Variants in CNGB3 observed in about 807,000 individuals in gnomAD.
The protein encoded by CNGB3 is cyclic nucleotide gated channel subunit beta 3, also known as cyclic nucleotide-gated channel beta-3.
A neutral mutation model predicts 92.8 loss-of-function variants in CNGB3; 86 were observed. That is an observed-to-expected ratio of 0.93 (90% confidence interval 0.78 to 1.11). The LOEUF (loss-of-function observed/expected upper bound fraction) is 1.11, where lower values mean the gene tolerates loss of function less well. Among genes scored for constraint, CNGB3 ranks in the 50% least tolerant of loss-of-function variants. The pLI is 0.00. For synonymous variants in CNGB3, 333 were observed against 332.7 expected (o/e 1.00, Z -0.01); for missense variants, 1,026 against 956.8 (o/e 1.07, Z -0.95).
chr8:86,736,585 A>G (rs1028243084), intron 2 of CNGB3, among the ~76,000 whole-genome samples: 4 of 152,144 alleles, frequency 2.6e-5, no homozygotes, highest in African/African-American at 9.6e-5. Flanking sequence ...GTAACTCAGA[A>G]AAAAAGAATT....
chr8:86,726,592 C>T lies in CNGB3; in HGVS notation c.277G>A (p.Glu93Lys), dbSNP rs1020619170. 2 of 1,613,782 alleles carry T rather than the reference C, an allele frequency of 1.2e-6. No homozygotes were observed. The highest frequency in any genetic ancestry group is 1.7e-6 in the Non-Finnish European group (2 of 1,179,796). The change falls in exon 3 of 18, where the codon GAA (glutamate) becomes AAA (lysine). Residue 93 changes from glutamate to lysine, a missense_variant. Transcript: ENST00000320005. ...TGCTCTGGCACTGTTCCAGTTGGTT[C>T]TGCTGCATTTTGAGGGTCAGGGTTT... The part of the protein sequence containing the change: ...TTNPDPQNAA[E>K]PTGTVPEQKE...
chr8:86,658,550 C>T, intron 6 of CNGB3: 1 of 344,860 alleles, frequency 2.9e-6, no homozygotes, highest in South Asian at 2.9e-5. Flanking sequence ...GCTTGTGGAG[C>T]TCCTTCTCAT....
In CNGB3 at chr8:86,596,098, G is replaced by A. The variant is rs552694337; in HGVS notation, c.1781+7995C>T. 4.0e-4 allele frequency among the ~76,000 whole-genome samples: 61 copies of A among 152,262 alleles called. 1 individual carries two copies. In the South Asian group the frequency reaches 0.011, roughly 28 times the overall value. On this transcript the variant is annotated intron_variant, in intron 15 of 17. Transcript: ENST00000320005. Reference sequence around the variant, plus strand: ...AGAAATGCAGAAGGTAAATGATCACGTTTATGAAAATAAATGGGCCCATAG... The same window carrying A: ...AGAAATGCAGAAGGTAAATGATCACATTTATGAAAATAAATGGGCCCATAG...
At position 86,657,695 on chromosome 8, in the gene CNGB3, CTTG is replaced by C. The variant is rs1202214138; in HGVS notation, c.853-3636_853-3634del. ...CAGCTGCCAGGAATTTGCCATGCCA[CTTG>C]TTGTGGTTGCCCACAAGCCGCAACA... On this transcript the variant is annotated intron_variant, in intron 6 of 17. Coordinates refer to ENST00000320005, the MANE Select transcript of CNGB3 (RefSeq NM_019098.5). 2.7e-5 allele frequency: 12 copies of C among 452,744 alleles called. 1 individual carries two copies. The East Asian group carries it at 6.8e-4, about 26-fold the overall frequency. The allele number at this position is 452,744 out of a possible 1,614,324, so 28.0% of individuals were successfully genotyped here.
chr8:86,731,112 T>C (rs1563769054), intron 2 of CNGB3, among the ~76,000 whole-genome samples: 1 of 152,216 alleles, frequency 6.6e-6, no homozygotes, highest in Non-Finnish European at 1.5e-5. Flanking sequence ...AGAAAATAGA[T>C]TTATTTCATG....
At chr8:86,736,603 G>A (rs954057185) in intron 2 of CNGB3, among the ~76,000 whole-genome samples, 2 of 152,092 alleles carry the variant, frequency 1.3e-5, no homozygotes, top group Non-Finnish European at 2.9e-5. Flanking sequence ...ATTGTAGTTT[G>A]AATTATCAGA....
chr8:86,696,162 C>A (rs1401081397), intron 3 of CNGB3, among the ~76,000 whole-genome samples: 3 of 152,176 alleles, frequency 2.0e-5, no homozygotes, highest in Admixed American at 1.3e-4. Flanking sequence ...TGGATGGACT[C>A]AGGACCTCTG....
At chr8:86,674,977 G>A (rs1046748184) in intron 3 of CNGB3, among the ~76,000 whole-genome samples, 1 of 146,802 alleles carries the variant, frequency 6.8e-6, no homozygotes, top group South Asian at 2.2e-4. Context: ...TGTTGTTGTT[G>A]AGACAGGGTC....
chr8:86,654,148 G>C (rs1045530781), intron 6 of CNGB3, 86 bp from the exon 7 acceptor site: 3 of 908,226 alleles, frequency 3.3e-6, no homozygotes, highest in Non-Finnish European at 5.5e-6. Context: ...TGTTTCTCTT[G>C]GTTGGTTCCT....
At chr8:86,649,141 T>TA (rs1823349826) in intron 7 of CNGB3, among the ~76,000 whole-genome samples, 1 of 151,654 alleles carries the variant, frequency 6.6e-6, no homozygotes, top group African/African-American at 2.4e-5. Context: ...CAGAGGGAAC[T>TA]ACAAAACACT....
intron 6 of CNGB3, chr8:86,660,700 T>A: frequency 1.9e-6 from 1 of 529,642 alleles, no homozygotes; most frequent in South Asian, 1.4e-5. Context: ...TTGTGAGAAG[T>A]TCCATACACA....
In CNGB3 at chr8:86,681,362, G is replaced by C. The variant is rs1824080578; in HGVS notation, c.339-10264C>G. Among the ~76,000 whole-genome samples, 5 of 152,186 alleles carry C rather than the reference G, an allele frequency of 3.3e-5. No homozygotes were observed. The South Asian group carries it at 1.0e-3, about 31-fold the overall frequency. On this transcript the variant is annotated intron_variant, in intron 3 of 17. Transcript: ENST00000320005. ...ACTGCCGAATGAACACAACAGAGGAGAGAATGAGTTGAAGAATTCTCCCAG... is the reference window on the plus strand; with the variant it reads ...ACTGCCGAATGAACACAACAGAGGACAGAATGAGTTGAAGAATTCTCCCAG...
chr8:86,627,633 A>G (rs534491328), intron 12 of CNGB3, among the ~76,000 whole-genome samples: 5 of 152,324 alleles, frequency 3.3e-5, no homozygotes, highest in African/African-American at 7.2e-5. Flanking sequence ...ATTATTGTCA[A>G]CTAGCAGTGC....
chr8:86,592,999 T>G (rs561973648), intron 15 of CNGB3, among the ~76,000 whole-genome samples: 3 of 152,360 alleles, frequency 2.0e-5, no homozygotes, highest in Admixed American at 1.3e-4. Flanking sequence ...CACCTCTGCC[T>G]GGGATTTTTG....
At chr8:86,733,620 G>T (rs1825196202) in intron 2 of CNGB3, among the ~76,000 whole-genome samples, 1 of 152,108 alleles carries the variant, frequency 6.6e-6, no homozygotes, top group Non-Finnish European at 1.5e-5. Flanking sequence ...ACAGGGAGTG[G>T]ACTACAGAAC....
At chr8:86,588,475 T>G (rs2131543228) in intron 15 of CNGB3, among the ~76,000 whole-genome samples, 1 of 144,822 alleles carries the variant, frequency 6.9e-6, no homozygotes, top group East Asian at 2.1e-4. Context: ...GGCTGTGGGT[T>G]TGTCATAGAT....
rs1020887559 is a variant in CNGB3, at chr8:86,675,366, C to T, written c.339-4268G>A. 1.1e-4 allele frequency among the ~76,000 whole-genome samples: 16 copies of T among 151,768 alleles called. 1 individual carries two copies. The highest frequency in any genetic ancestry group is 8.3e-4 in the South Asian group (4 of 4,804). On this transcript the variant is annotated intron_variant, in intron 3 of 17. Transcript: ENST00000320005. ...GGGATTACTGTTGTGAGCCACTGTC[C>T]CCAGCCAATTCTACAAATTTTGATA...
chr8:86,626,002 C>T lies in CNGB3; in HGVS notation c.1559G>A (p.Ser520Asn), dbSNP rs1222933847. Reference protein sequence around the residue: ...LAIDVNFSIISKVDLFKGCDT... With the variant: ...LAIDVNFSIINKVDLFKGCDT... Reference sequence around the variant, plus strand: ...ACTTGCCTTGAACAAGTCGACTTTGCTGATGATGCTGAAGTTCACATCAAT... The same window carrying T: ...ACTTGCCTTGAACAAGTCGACTTTGTTGATGATGCTGAAGTTCACATCAAT... The change falls in exon 13 of 18, where the codon AGC (serine) becomes AAC (asparagine). Residue 520 changes from serine to asparagine, a missense_variant. By Grantham distance (46) the Ser-to-Asn change is conservative. Coordinates refer to ENST00000320005, the MANE Select transcript of CNGB3 (RefSeq NM_019098.5). 1 of 1,613,522 alleles carries T rather than the reference C, an allele frequency of 6.2e-7. No homozygotes were observed. Among genetic ancestry groups the T allele is most frequent in the African/African-American group, 1.3e-5 (1 of 74,896 alleles).
At chr8:86,679,751 C>G (rs1333966989) in intron 3 of CNGB3, among the ~76,000 whole-genome samples, 1 of 152,118 alleles carries the variant, frequency 6.6e-6, no homozygotes, top group East Asian at 1.9e-4. Context: ...GTCTTGAACT[C>G]CTAACCTCAG....
Sources: gnomAD v4.1 joint callset for allele counts (sites outside exome capture counted in the v4.1 genomes callset) on GRCh38, gnomAD v4.1.1 for gene constraint, MANE v1.5 for transcripts, NCBI Gene and HGNC (gene_info 2026-07-23, HGNC 2026-07-21) for gene names.